The following TLK2 variants were observed in gnomAD, a reference collection of about 807,000 sequenced individuals.
TLK2 encodes the protein serine/threonine-protein kinase tousled-like 2.
Under a neutral mutation model 117.3 loss-of-function variants are expected in TLK2, and 6 were observed. The observed-to-expected ratio is 0.05, with a 90% CI of 0.03 to 0.10. The LOEUF (loss-of-function observed/expected upper bound fraction) is 0.10. Ranked by LOEUF, TLK2 falls within the 10% of genes least tolerant of loss-of-function variation. TLK2 has a pLI of 1.00. For missense variants in TLK2, 299 were observed against 901.2 expected, an observed-to-expected ratio of 0.33 and a Z score of 8.56; for synonymous variants, 257 against 316.7, an observed-to-expected ratio of 0.81 and a Z score of 2.00.
chr17:62,559,194 G>A (rs1310828376), intron 9 of TLK2, among the ~76,000 whole-genome samples: 2 of 152,002 alleles, frequency 1.3e-5, no homozygotes, highest in Non-Finnish European at 2.9e-5. Context: ...GACGTTGTTT[G>A]TTTGTTCTGT....
At chr17:62,481,829 T>C (rs1598096483) in intron 2 of TLK2, among the ~76,000 whole-genome samples, 1 of 152,228 alleles carries the variant, frequency 6.6e-6, no homozygotes, top group South Asian at 2.1e-4. Context: ...GATTTTACAA[T>C]GTGTAAAATG....
At chr17:62,573,662 A>G (rs961384047) in intron 12 of TLK2, among the ~76,000 whole-genome samples, 1 of 152,220 alleles carries the variant, frequency 6.6e-6, no homozygotes, top group Admixed American at 6.5e-5. Context: ...CTGAAATGAT[A>G]TTATTGCTTA....
chr17:62,600,578 A>G (rs2147163670), intron 17 of TLK2, 73 bp from the exon 18 acceptor site: 3 of 1,334,156 alleles, frequency 2.2e-6, no homozygotes, highest in East Asian at 2.5e-5. Flanking sequence ...AAGTTTTCAC[A>G]TGGGACTAAT....
At position 62,500,006 on chromosome 17, in the gene TLK2, G is replaced by A. The variant is rs544591240; in HGVS notation, c.81+18800G>A. 7.2e-5 allele frequency among the ~76,000 whole-genome samples: 11 copies of A among 152,190 alleles called. No individual in the cohort carries two copies. The South Asian group carries it at 2.1e-3, about 29-fold the overall frequency. ...TTTAGAGTGCCATTTGCTATAATGGGATCCTGCTTTTACTAGCAAACCTTT... is the reference window on the plus strand; with the variant it reads ...TTTAGAGTGCCATTTGCTATAATGGAATCCTGCTTTTACTAGCAAACCTTT... On this transcript the variant is annotated intron_variant, in intron 2 of 21. Coordinates refer to ENST00000346027, the MANE Select transcript of TLK2 (RefSeq NM_006852.6).
At chr17:62,573,470 G>T (rs2080481440) in intron 12 of TLK2, 103 bp downstream of exon 12, 2 of 1,445,432 alleles carry the variant, frequency 1.4e-6, no homozygotes, top group Middle Eastern at 1.8e-4. Flanking sequence ...GGTCACTCAG[G>T]TTTAAACCTT....
At position 62,602,091 on chromosome 17, in the gene TLK2, A is replaced by G. The variant is rs1164691379; in HGVS notation, c.1770A>G (p.Thr590=). The stretch of plus-strand genomic sequence containing the variant: ...CAGCGTGTGGAGAGATAAAAATTAC[A>G]GATTTTGGTCTTTCGAAGATCATGG... ...NGTACGEIKI[T]DFGLSKIMDD... Residue 590 remains threonine (T), a synonymous_variant, in exon 19 of 22, where the codon ACA becomes ACG. Transcript: ENST00000346027. The G allele has an allele frequency of 6.2e-7, 1 of 1,613,398 alleles. No individual in the cohort carries two copies. The highest frequency in any genetic ancestry group is 8.5e-7 in the Non-Finnish European group (1 of 1,179,734).
chr17:62,515,081 A>G (rs2075467692), intron 2 of TLK2, among the ~76,000 whole-genome samples: 1 of 152,166 alleles, frequency 6.6e-6, no homozygotes, highest in South Asian at 2.1e-4. Context: ...GACTCTATGA[A>G]TTTAACTATT....
chr17:62,492,648 G>C (rs377423001), intron 2 of TLK2, among the ~76,000 whole-genome samples: 1 of 151,754 alleles, frequency 6.6e-6, no homozygotes, highest in African/African-American at 2.4e-5. Flanking sequence ...GTAGAGATGG[G>C]GTTTCACCAT....
At chr17:62,538,923 CT>C (rs2077307499) in intron 7 of TLK2, among the ~76,000 whole-genome samples, 1 of 152,190 alleles carries the variant, frequency 6.6e-6, no homozygotes, top group Non-Finnish European at 1.5e-5. Flanking sequence ...TAGGCAAAGA[CT>C]GTTTTTGAAA....
chr17:62,517,778 A>G (rs568107180), intron 2 of TLK2, among the ~76,000 whole-genome samples: 5 of 152,216 alleles, frequency 3.3e-5, no homozygotes, highest in South Asian at 4.1e-4. Flanking sequence ...GCTCACTGCA[A>G]CCTTCACCTC....
chr17:62,504,902 G>T (rs1036521108), intron 2 of TLK2, among the ~76,000 whole-genome samples: 1 of 152,004 alleles, frequency 6.6e-6, no homozygotes, highest in Non-Finnish European at 1.5e-5. Context: ...CTCACTTAGT[G>T]GCGTGATCTT....
At chr17:62,477,110 T>A (rs187224179), upstream of TLK2, among the ~76,000 whole-genome samples, 815 of 152,076 alleles carry the variant, frequency 5.4e-3, 5 homozygotes, top group African/African-American at 0.018. Flanking sequence ...AAATTTTTTT[T>A]AAAAAGACAG....
intron 2 of TLK2, among the ~76,000 whole-genome samples, chr17:62,513,654 AT>A (rs1187799350): frequency 6.6e-6 from 1 of 152,016 alleles, no homozygotes; most frequent in Non-Finnish European, 1.5e-5. Context: ...TTTGTAAAAA[AT>A]CAGTTGGATA....
chr17:62,565,817 G>T (rs72835245), intron 11 of TLK2, among the ~76,000 whole-genome samples: 218 of 152,274 alleles, frequency 1.4e-3, no homozygotes, highest in Non-Finnish European at 2.1e-3. Context: ...ACAGAAAAAT[G>T]AAATGTGAAA....
At chr17:62,577,741 G>T (rs2080915813) in intron 13 of TLK2, among the ~76,000 whole-genome samples, 1 of 152,120 alleles carries the variant, frequency 6.6e-6, no homozygotes, top group Non-Finnish European at 1.5e-5. Context: ...TGGGTTCTCA[G>T]AGCTTGTTAA....
intron 2 of TLK2, among the ~76,000 whole-genome samples, chr17:62,498,087 A>AGT (rs1426019706): frequency 6.6e-6 from 1 of 152,176 alleles, no homozygotes; most frequent in Non-Finnish European, 1.5e-5. Context: ...ATGAAGAACA[A>AGT]ACCTTTATAC....
rs1298612868 is a variant in TLK2, at chr17:62,523,256, A to G, written c.267+79A>G. On this transcript the variant is annotated intron_variant, in intron 5 of 21. Transcript: ENST00000346027. Reference sequence around the variant, plus strand: ...ATAGTGATTTTTTTTAAAAAACCCTAAATCCTTGTGTTCATTTGAGGCTTT... The same window carrying G: ...ATAGTGATTTTTTTTAAAAAACCCTGAATCCTTGTGTTCATTTGAGGCTTT... The G allele has an allele frequency of 2.0e-6, 3 of 1,536,736 alleles. No homozygotes were observed. In the African/African-American group the frequency reaches 4.2e-5, roughly 22 times the overall value.
At chr17:62,524,186 A>C in intron 5 of TLK2, 50 bp from the exon 6 acceptor site, 1 of 1,592,274 alleles carries the variant, frequency 6.3e-7, no homozygotes, top group Non-Finnish European at 8.6e-7. Context: ...CCTTATCTGA[A>C]GCATAGTACT....
At chr17:62,501,084 A>G (rs548568955) in intron 2 of TLK2, among the ~76,000 whole-genome samples, 65 of 152,176 alleles carry the variant, frequency 4.3e-4, no homozygotes, top group African/African-American at 1.6e-3. Flanking sequence ...TAAATACACA[A>G]AAAATTAGCC....
Sources: allele counts gnomAD v4.1 joint callset (sites outside exome capture counted in the v4.1 genomes callset), GRCh38; gene constraint gnomAD v4.1.1; transcripts MANE v1.5; gene names NCBI Gene and HGNC (gene_info 2026-07-23, HGNC 2026-07-21).